Variants in DPYSL3 observed in about 807,000 individuals in gnomAD.
DPYSL3 encodes dihydropyrimidinase-related protein 3.
Under a neutral mutation model 66.1 loss-of-function variants are expected in DPYSL3, and 16 were observed. The observed-to-expected ratio is 0.24, with a 90% CI of 0.16 to 0.37. The LOEUF is 0.37. Ranked by LOEUF, DPYSL3 falls within the 10% of genes least tolerant of loss-of-function variation. DPYSL3 has a pLI of 1.00. For synonymous variants in DPYSL3, 338 were observed against 345.1 expected (o/e 0.98, Z 0.23); for missense variants, 738 against 916.2 (o/e 0.81, Z 2.51).
intron 1 of DPYSL3, among the ~76,000 whole-genome samples, chr5:147,430,733 C>T (rs1752299490): frequency 6.6e-6 from 1 of 152,008 alleles, no homozygotes; most frequent in Non-Finnish European, 1.5e-5. Context: ...AGTTTTCCTC[C>T]CCTAGTCTTC....
intron 1 of DPYSL3, among the ~76,000 whole-genome samples, chr5:147,450,597 A>T (rs947160728): frequency 6.6e-6 from 1 of 152,194 alleles, no homozygotes; most frequent in South Asian, 2.1e-4. Context: ...CAACAGGGAC[A>T]CAGAAATCTC....
At chr5:147,419,263 C>A (rs1752034899) in intron 2 of DPYSL3, among the ~76,000 whole-genome samples, 1 of 152,126 alleles carries the variant, frequency 6.6e-6, no homozygotes, top group Non-Finnish European at 1.5e-5. Context: ...CACCAGCTGC[C>A]TTTATGACAT....
chr5:147,454,304 T>C (rs1752806113), intron 1 of DPYSL3: 1 of 152,258 alleles, frequency 6.6e-6, no homozygotes, highest in South Asian at 2.1e-4. Flanking sequence ...CCGCCTCTGC[T>C]GCTCGCGGGG....
chr5:147,407,299 C>T (rs990398911), intron 7 of DPYSL3, among the ~76,000 whole-genome samples: 2 of 152,098 alleles, frequency 1.3e-5, no homozygotes, highest in East Asian at 1.9e-4. Flanking sequence ...TGGCCTTCCA[C>T]GGCTATAGAG....
At chr5:147,396,801 C>G (rs1757988041) in intron 12 of DPYSL3, among the ~76,000 whole-genome samples, 1 of 150,776 alleles carries the variant, frequency 6.6e-6, no homozygotes, top group Non-Finnish European at 1.5e-5. Context: ...TTCCACAATC[C>G]TAGGGTAGGG....
chr5:147,395,736 G>A lies in DPYSL3; in HGVS notation c.1804-15C>T, dbSNP rs1757951057. 1 of 1,613,226 alleles carries A rather than the reference G, an allele frequency of 6.2e-7. No homozygotes were observed. The highest frequency in any genetic ancestry group is 8.5e-7 in the Non-Finnish European group (1 of 1,179,984). The stretch of plus-strand genomic sequence containing the variant: ...AGGTCTGCCATCTGCAGCCAGAGAA[G>A]AGCATGTCACCATTCATTCATTCAG... On this transcript the variant is annotated splice_polypyrimidine_tract_variant and intron_variant, in intron 12 of 13. Coordinates refer to ENST00000343218, the MANE Select transcript of DPYSL3 (RefSeq NM_001197294.2).
chr5:147,409,359 C>T (rs1751797087), intron 6 of DPYSL3, among the ~76,000 whole-genome samples: 2 of 152,224 alleles, frequency 1.3e-5, no homozygotes, highest in African/African-American at 4.8e-5. Flanking sequence ...CCTAGCCTAA[C>T]ATATCAGAAG....
rs764781361 is a variant in DPYSL3 at position 147,397,841 on chromosome 5, G to A, written c.1628C>T (p.Ala543Val). 6.2e-7 allele frequency: 1 copy of A among 1,602,156 alleles called. No individual in the cohort carries two copies. Among genetic ancestry groups the A allele is most frequent in the Non-Finnish European group, 8.5e-7 (1 of 1,171,928 alleles). The part of the protein sequence containing the change: ...IVSAKNHQSA[A>V]EYNIFEGMEL... ...CATCCCTTCAAAGATGTTGTACTCTGCCGCCTAGAGGCAGGGGTGAGAAGC... is the reference window on the plus strand; with the variant it reads ...CATCCCTTCAAAGATGTTGTACTCTACCGCCTAGAGGCAGGGGTGAGAAGC... The change falls in exon 12 of 14, where the codon GCA (alanine) becomes GTA (valine). Residue 543 changes from alanine to valine, a missense_variant. Coordinates refer to ENST00000343218, the MANE Select transcript of DPYSL3 (RefSeq NM_001197294.2).
intron 6 of DPYSL3, among the ~76,000 whole-genome samples, chr5:147,409,245 C>T (rs1452628856): frequency 4.6e-5 from 7 of 152,326 alleles, no homozygotes; most frequent in Admixed American, 2.0e-4. Context: ...CCTGACCTCA[C>T]GGGGCTTATA....
intron 6 of DPYSL3, 25 bp downstream of exon 6, chr5:147,412,583 G>A (rs370737961): frequency 1.1e-5 from 17 of 1,603,380 alleles, no homozygotes; most frequent in Middle Eastern, 3.4e-4. Flanking sequence ...CCCAAAGCAC[G>A]CTCCAGGGAG....
chr5:147,471,968 G>C (rs763382773), intron 1 of DPYSL3, among the ~76,000 whole-genome samples: 2 of 151,990 alleles, frequency 1.3e-5, no homozygotes, highest in Non-Finnish European at 2.9e-5. Context: ...TTTCTGTCTC[G>C]GGTTGTCTGT....
chr5:147,449,538 T>G (rs1227135313), intron 1 of DPYSL3, among the ~76,000 whole-genome samples: 1 of 152,206 alleles, frequency 6.6e-6, no homozygotes, highest in Non-Finnish European at 1.5e-5. Context: ...TTCCACAACT[T>G]TCAACATCTC....
chr5:147,497,159 C>A (rs1319046989), intron 1 of DPYSL3, among the ~76,000 whole-genome samples: 1 of 149,266 alleles, frequency 6.7e-6, no homozygotes, highest in East Asian at 2.0e-4. Flanking sequence ...GACAAAAAAC[C>A]AAACACTGCA....
In DPYSL3 at chr5:147,391,123, G is replaced by A. The variant is rs1228131454; in HGVS notation, c.*2912C>T. 2.0e-5 allele frequency: 3 copies of A among 152,578 alleles called. No homozygotes were observed. 9.5% of individuals were successfully genotyped at this position (152,578 alleles called of 1,614,324 possible). A position where few individuals can be genotyped will look rare whatever the true frequency, so the allele number is the denominator to read the frequency against. On this transcript the variant is annotated 3_prime_UTR_variant, in exon 14 of 14. Coordinates refer to ENST00000343218, the MANE Select transcript of DPYSL3 (RefSeq NM_001197294.2). The stretch of plus-strand genomic sequence containing the variant: ...GGAGTTTTCCAGGGGAGAAAGCCTG[G>A]GAAGCTTGTGGCAAGGAAGTTGGGA...
In DPYSL3 at chr5:147,482,854, T is replaced by C. The variant is rs78814257; in HGVS notation, c.381+26624A>G. Among the ~76,000 whole-genome samples the C allele has an allele frequency of 5.3e-3, 806 of 152,298 alleles. 31 individuals are homozygous for C. In the East Asian group the frequency reaches 0.095, roughly 18 times the overall value. ...GGCTGGGGAAGCCAAAGGAAACTTA[T>C]AATCGTGGCAGAAGCTGAAGAAGAA... On this transcript the variant is annotated intron_variant, in intron 1 of 13. Transcript: ENST00000343218.
intron 1 of DPYSL3, among the ~76,000 whole-genome samples, chr5:147,488,015 T>C (rs1281707015): frequency 6.6e-6 from 1 of 152,208 alleles, no homozygotes; most frequent in Non-Finnish European, 1.5e-5. Flanking sequence ...GAAAAACCAT[T>C]ATTCACTAAC....
chr5:147,487,320 A>G (rs1157729586), intron 1 of DPYSL3, among the ~76,000 whole-genome samples: 2 of 152,084 alleles, frequency 1.3e-5, no homozygotes, highest in Admixed American at 1.3e-4. Flanking sequence ...TCAATGTCAG[A>G]TATGTATTTA....
At chr5:147,482,533 G>A (rs1470168215) in intron 1 of DPYSL3, among the ~76,000 whole-genome samples, 2 of 152,182 alleles carry the variant, frequency 1.3e-5, no homozygotes, top group East Asian at 1.9e-4. Flanking sequence ...AGCCAGAATG[G>A]CCCTACTTAT....
chr5:147,480,199 A>G (rs189601077), intron 1 of DPYSL3, among the ~76,000 whole-genome samples: 1 of 151,952 alleles, frequency 6.6e-6, no homozygotes, highest in African/African-American at 2.4e-5. Context: ...TGCCAGCATC[A>G]CTCCTGTAGC....
Sources: allele counts gnomAD v4.1 joint callset (sites outside exome capture counted in the v4.1 genomes callset), GRCh38; gene constraint gnomAD v4.1.1; transcripts MANE v1.5; gene names NCBI Gene and HGNC (gene_info 2026-07-23, HGNC 2026-07-21).